The following MAP4K3 variants were observed in gnomAD, a reference collection of about 807,000 sequenced individuals.
MAP4K3 encodes MAPK/ERK kinase kinase kinase 3.
In MAP4K3, 94 loss-of-function variants were observed where a neutral mutation model predicts 143.5. The observed-to-expected ratio is 0.65, with a 90% CI of 0.55 to 0.78. The LOEUF (loss-of-function observed/expected upper bound fraction) is 0.78. Among genes scored for constraint, MAP4K3 ranks in the 30% least tolerant of loss-of-function variants. MAP4K3 has a pLI of 0.00. For synonymous variants in MAP4K3, 416 were observed against 347.2 expected (o/e 1.20, Z -2.20); for missense variants, 1,077 against 1,068.1 (o/e 1.01, Z -0.12).
chr2:39,433,572 C>G (rs1418311960), intron 1 of MAP4K3, among the ~76,000 whole-genome samples: 1 of 152,070 alleles, frequency 6.6e-6, no homozygotes, highest in African/African-American at 2.4e-5. Context: ...ATCATTTTTT[C>G]ATTTTTTTGG....
intron 6 of MAP4K3, 28 bp downstream of exon 6, chr2:39,336,892 G>T (rs752475421): frequency 2.1e-6 from 2 of 964,992 alleles, no homozygotes; most frequent in Non-Finnish European, 3.0e-6. Flanking sequence ...TGAAGAGAGG[G>T]TTATTATGTT....
At chr2:39,297,162 G>C (rs1388741004) in intron 16 of MAP4K3, among the ~76,000 whole-genome samples, 1 of 151,588 alleles carries the variant, frequency 6.6e-6, no homozygotes, top group East Asian at 1.9e-4. Flanking sequence ...TTGTCGCCCA[G>C]GCTGGAGTGC....
chr2:39,416,238 A>G (rs1667376530), intron 1 of MAP4K3, among the ~76,000 whole-genome samples: 1 of 151,900 alleles, frequency 6.6e-6, no homozygotes, highest in South Asian at 2.1e-4. Flanking sequence ...AGCCTTCTAC[A>G]TGAGCTTACC....
intron 2 of MAP4K3, among the ~76,000 whole-genome samples, chr2:39,360,441 ATTTTC>A (rs977720489): frequency 3.3e-5 from 5 of 151,834 alleles, no homozygotes; most frequent in African/African-American, 1.2e-4. Context: ...ACTTTTCCAC[ATTTTC>A]TTTTCTTCTT....
At chr2:39,383,342 T>G (rs1666401634) in intron 1 of MAP4K3, among the ~76,000 whole-genome samples, 1 of 152,076 alleles carries the variant, frequency 6.6e-6, no homozygotes, top group South Asian at 2.1e-4. Context: ...GGGAAGCCCC[T>G]TATAAAACCA....
chr2:39,267,598 A>C (rs951696279), intron 26 of MAP4K3, among the ~76,000 whole-genome samples: 1 of 151,030 alleles, frequency 6.6e-6, no homozygotes, highest in Non-Finnish European at 1.5e-5. Flanking sequence ...GCTTGAACCC[A>C]GGAGGTGGAG....
chr2:39,436,883 T>G lies in MAP4K3; in HGVS notation c.96+9A>C. ...CACGGCCTCGGCGGCGCGCGGCCCC[T>G]GCCTTTACCTTGTAGACGTCGCCGT... is the stretch of plus-strand genomic sequence containing the variant. On this transcript the variant is annotated intron_variant, in intron 1 of 33. Transcript: ENST00000263881. 1 of 1,601,778 alleles carries G rather than the reference T, an allele frequency of 6.2e-7. No homozygotes were observed. The highest frequency in any genetic ancestry group is 8.5e-7 in the Non-Finnish European group (1 of 1,175,186).
chr2:39,292,751 C>A, intron 18 of MAP4K3, 22 bp downstream of exon 18: 1 of 1,606,350 alleles, frequency 6.2e-7, no homozygotes, highest in South Asian at 1.1e-5. Context: ...TTCTTTTTAC[C>A]AAAAACAGAG....
intron 1 of MAP4K3, among the ~76,000 whole-genome samples, chr2:39,414,661 A>G (rs1242732789): frequency 9.9e-5 from 15 of 152,128 alleles, no homozygotes; most frequent in Non-Finnish European, 7.4e-5. Flanking sequence ...GGATCACGAC[A>G]TCAGGAGATC....
chr2:39,428,841 G>C (rs1033195157), intron 1 of MAP4K3, among the ~76,000 whole-genome samples: 8 of 151,030 alleles, frequency 5.3e-5, no homozygotes, highest in African/African-American at 1.9e-4. Context: ...AGGCTGAGGC[G>C]GGTGGATCAC....
chr2:39,305,641 T>C (rs921100513), intron 15 of MAP4K3, among the ~76,000 whole-genome samples: 1 of 152,152 alleles, frequency 6.6e-6, no homozygotes. Context: ...ACTAACCTAA[T>C]AGTCCCTAAA....
chr2:39,415,980 A>AAAATATATATATAT (rs1553318573), intron 1 of MAP4K3, among the ~76,000 whole-genome samples: 5 of 14,748 alleles, frequency 3.4e-4, no homozygotes, highest in African/African-American at 7.9e-4. Flanking sequence ...AAAAAAAAAA[A>AAAATATATATATAT]ATATATATAT....
chr2:39,299,756 A>T lies in MAP4K3; in HGVS notation c.1165T>A (p.Leu389Ile), dbSNP rs201945763. ...AACTTTACTTACTTGTTTGCACCTA[A>T]AAAGTAACCACCTTGGTGTCCTTGT... ...YGQGHQGGYFLGANKSLLKSV... is the reference protein window; with the variant it reads ...YGQGHQGGYFIGANKSLLKSV... The change falls in exon 16 of 34, where the codon TTA becomes ATA. Residue 389 changes from leucine (L) to isoleucine (I), a missense_variant. Transcript: ENST00000263881. 8 of 1,572,668 alleles carry T rather than the reference A, an allele frequency of 5.1e-6. No homozygotes were observed. Among genetic ancestry groups the T allele is most frequent in the African/African-American group, 2.7e-5 (2 of 73,420 alleles).
intron 3 of MAP4K3, among the ~76,000 whole-genome samples, chr2:39,352,136 C>T (rs1274326088): frequency 1.3e-5 from 2 of 151,986 alleles, no homozygotes; most frequent in African/African-American, 4.8e-5. Context: ...ACTAAAAATA[C>T]AAAAATTAGC....
At chr2:39,382,596 A>C (rs1666381951) in intron 1 of MAP4K3, among the ~76,000 whole-genome samples, 1 of 152,236 alleles carries the variant, frequency 6.6e-6, no homozygotes, top group Non-Finnish European at 1.5e-5. Context: ...TTTCATTCTA[A>C]ATCAACAGAT....
At chr2:39,338,364 C>A (rs960739029) in intron 4 of MAP4K3, among the ~76,000 whole-genome samples, 2 of 152,000 alleles carry the variant, frequency 1.3e-5, no homozygotes, top group Non-Finnish European at 2.9e-5. Flanking sequence ...AGCCAGATAG[C>A]TATAAAATTA....
intron 1 of MAP4K3, among the ~76,000 whole-genome samples, chr2:39,401,488 CCTAACTGAG>C (rs1572491269): frequency 6.6e-6 from 1 of 152,162 alleles, no homozygotes; most frequent in African/African-American, 2.4e-5. Context: ...TCTGTTCCCA[CCTAACTGAG>C]CTTCGAAATA....
rs563796821 is a variant in MAP4K3, at chr2:39,311,321, C to T, written c.998-1802G>A. ...CTGGAACTCCTGACCTCAGGTGATC[C>T]GCCCGCCTCGGCCTCCTAAAGTGCT... On this transcript the variant is annotated intron_variant, in intron 13 of 33. Transcript: ENST00000263881. Among the ~76,000 whole-genome samples the T allele has an allele frequency of 1.6e-3, 242 of 152,230 alleles. 1 individual carries two copies. Among genetic ancestry groups the T allele is most frequent in the Non-Finnish European group, 1.9e-3 (128 of 68,010 alleles).
chr2:39,402,088 G>A (rs1326281724), intron 1 of MAP4K3, among the ~76,000 whole-genome samples: 1 of 152,118 alleles, frequency 6.6e-6, no homozygotes, highest in African/African-American at 2.4e-5. Flanking sequence ...GACTAAGCCA[G>A]TTAAATAGAA....
Sources: gnomAD v4.1 joint callset for allele counts (sites outside exome capture counted in the v4.1 genomes callset) on GRCh38, gnomAD v4.1.1 for gene constraint, MANE v1.5 for transcripts, NCBI Gene and HGNC (gene_info 2026-07-23, HGNC 2026-07-21) for gene names.